IMPG1: variants seen among roughly 807,000 people sequenced by gnomAD.
The protein encoded by IMPG1 is interphotoreceptor matrix proteoglycan 1, also known as interphotoreceptor matrix proteoglycan of 150 kDa.
In IMPG1, 85 loss-of-function variants were observed where a neutral mutation model predicts 92.0. That is an observed-to-expected ratio of 0.92 (90% CI 0.78 to 1.11). The LOEUF is 1.11. Among genes scored for constraint, IMPG1 ranks in the 50% least tolerant of loss-of-function variants. IMPG1 has a pLI of 0.00. For synonymous variants in IMPG1, 367 were observed against 334.1 expected, an observed-to-expected ratio of 1.10 and a Z score of -1.08; for missense variants, 1,022 against 956.0, an observed-to-expected ratio of 1.07 and a Z score of -0.91.
In IMPG1 at chr6:76,007,498, G is replaced by C. The variant is rs1162964586; in HGVS notation, c.869C>G (p.Pro290Arg). 5 of 1,595,338 alleles carry C rather than the reference G, an allele frequency of 3.1e-6. No homozygotes were observed. Among genetic ancestry groups the C allele is most frequent in the Non-Finnish European group, 1.7e-6 (2 of 1,168,660 alleles). Residue 290 changes from proline (P) to arginine (R), a missense_variant and splice_region_variant, in exon 9 of 17, where the codon CCA (proline) becomes CGA (arginine). By Grantham distance (103) the Pro-to-Arg change is moderately radical (BLOSUM62 -2). This residue lies in a region of IMPG1 where 681 missense variants were observed against 583.6 expected (regional missense o/e 1.17). Transcript: ENST00000369950. ...AAATTACCCATCTTTTTCTTTCTTT[G>C]GTCTTCATTTCATCATGCACAATGG... ...FKKIHVLGFR[P>R]KKEKDGSSST...
At chr6:75,942,502 C>G (rs1243691408) in intron 14 of IMPG1, among the ~76,000 whole-genome samples, 1 of 152,140 alleles carries the variant, frequency 6.6e-6, no homozygotes, top group Non-Finnish European at 1.5e-5. Flanking sequence ...AAGTCCACAC[C>G]AGCAATAGAG....
Position 75,965,761 on chromosome 6 carries a change from T to C in IMPG1, c.1292-14667A>G, listed in dbSNP as rs186149244. Among the ~76,000 whole-genome samples the C allele has an allele frequency of 7.9e-3, 1,208 of 152,072 alleles. 15 individuals are homozygous for C. Among genetic ancestry groups the C allele is most frequent in the African/African-American group, 0.028 (1,143 of 41,486 alleles). Reference sequence around the variant, plus strand: ...TAGCCGGGACTACAGGCGCCTGCCATCACGCCCAGCTAATTTTTTGTATTT... The same window carrying C: ...TAGCCGGGACTACAGGCGCCTGCCACCACGCCCAGCTAATTTTTTGTATTT... On this transcript the variant is annotated intron_variant, in intron 12 of 16. Transcript: ENST00000369950.
At chr6:75,980,553 G>A (rs1782609981) in intron 12 of IMPG1, among the ~76,000 whole-genome samples, 1 of 152,228 alleles carries the variant, frequency 6.6e-6, no homozygotes. Context: ...AAAGCAGGCA[G>A]AAGAAGGTGG....
intron 4 of IMPG1, among the ~76,000 whole-genome samples, chr6:76,028,513 T>G (rs936761225): frequency 1.1e-4 from 16 of 152,238 alleles, no homozygotes; most frequent in Non-Finnish European, 2.2e-4. Flanking sequence ...TCAAGGAAAC[T>G]TATTTTGAAC....
At chr6:75,993,260 T>A (rs911017143) in intron 12 of IMPG1, among the ~76,000 whole-genome samples, 6 of 152,162 alleles carry the variant, frequency 3.9e-5, no homozygotes, top group African/African-American at 1.4e-4. Flanking sequence ...GGGGCATTGG[T>A]ATTTAAATTG....
chr6:76,064,322 G>A (rs1027669288), intron 1 of IMPG1, among the ~76,000 whole-genome samples: 1 of 151,290 alleles, frequency 6.6e-6, no homozygotes, highest in Non-Finnish European at 1.5e-5. Context: ...AGGAGGTTCT[G>A]CACCACAGAC....
intron 12 of IMPG1, among the ~76,000 whole-genome samples, chr6:75,986,895 A>C (rs1782726959): frequency 6.6e-6 from 1 of 152,224 alleles, no homozygotes; most frequent in African/African-American, 2.4e-5. Context: ...AAACAGGAGA[A>C]TTTTGTACCT....
At chr6:75,955,729 T>A (rs2149459475) in intron 12 of IMPG1, among the ~76,000 whole-genome samples, 1 of 152,346 alleles carries the variant, frequency 6.6e-6, no homozygotes, top group East Asian at 1.9e-4. Flanking sequence ...TGATATTGGC[T>A]GTGGGTTTGT....
At chr6:76,048,946 C>A (rs1050392824) in intron 1 of IMPG1, among the ~76,000 whole-genome samples, 5 of 152,274 alleles carry the variant, frequency 3.3e-5, no homozygotes, top group Admixed American at 6.5e-5. Context: ...ATGGAATCAA[C>A]CTAAATGCCC....
At chr6:76,039,977 T>A (rs556238177) in intron 2 of IMPG1, among the ~76,000 whole-genome samples, 1 of 152,302 alleles carries the variant, frequency 6.6e-6, no homozygotes, top group East Asian at 1.9e-4. Flanking sequence ...AAGATGTCAA[T>A]GGATAATTTT....
At chr6:76,001,898 G>T (rs1782996133) in intron 12 of IMPG1, among the ~76,000 whole-genome samples, 1 of 152,162 alleles carries the variant, frequency 6.6e-6, no homozygotes, top group African/African-American at 2.4e-5. Context: ...AATCCAATTT[G>T]TATAATTAAT....
intron 1 of IMPG1, among the ~76,000 whole-genome samples, chr6:76,055,084 ATG>A (rs1784098913): frequency 2.0e-5 from 3 of 152,056 alleles, no homozygotes; most frequent in African/African-American, 7.2e-5. Flanking sequence ...ATGGACATGT[ATG>A]AGGCATCATA....
At chr6:76,023,039 G>A (rs1000966482) in intron 5 of IMPG1, among the ~76,000 whole-genome samples, 5 of 152,264 alleles carry the variant, frequency 3.3e-5, no homozygotes, top group South Asian at 4.2e-4. Context: ...CTGGGAATCT[G>A]CGGTCACAAG....
intron 1 of IMPG1, among the ~76,000 whole-genome samples, chr6:76,042,871 T>C (rs1176425809): frequency 6.6e-6 from 1 of 152,190 alleles, no homozygotes; most frequent in Non-Finnish European, 1.5e-5. Flanking sequence ...GGACCTCTCA[T>C]AATAACTTAG....
chr6:76,016,025 A>C lies in IMPG1; in HGVS notation c.807+2693T>G, dbSNP rs111255983. 1.5e-3 allele frequency among the ~76,000 whole-genome samples: 225 copies of C among 152,220 alleles called. 1 individual carries two copies. The highest frequency in any genetic ancestry group is 5.2e-3 in the African/African-American group (216 of 41,512). ...ACATATTAATCTCCTTTCCTCAGTT[A>C]CCTCTTACAAAAAGAGGAAATAATA... On this transcript the variant is annotated intron_variant, in intron 7 of 16. Transcript: ENST00000369950.
chr6:75,936,086 C>T (rs9352247), intron 14 of IMPG1, among the ~76,000 whole-genome samples: 39,262 of 152,220 alleles, frequency 0.26, 5,614 homozygotes, highest in Non-Finnish European at 0.34. Context: ...ATCTGTTCTA[C>T]CAGTGAAGAA....
chr6:75,926,471 C>A (rs901627999), intron 15 of IMPG1, among the ~76,000 whole-genome samples: 1 of 152,140 alleles, frequency 6.6e-6, no homozygotes, highest in Non-Finnish European at 1.5e-5. Context: ...TTACAACAAG[C>A]ACTTTGATAT....
intron 14 of IMPG1, among the ~76,000 whole-genome samples, chr6:75,943,775 C>T (rs183333187): frequency 2.6e-5 from 4 of 152,210 alleles, no homozygotes; most frequent in Non-Finnish European, 5.9e-5. Flanking sequence ...CTCCTACATT[C>T]TCTCTTCTGT....
At chr6:76,039,228 T>G (rs1783793423) in intron 2 of IMPG1, among the ~76,000 whole-genome samples, 1 of 152,220 alleles carries the variant, frequency 6.6e-6, no homozygotes, top group Non-Finnish European at 1.5e-5. Context: ...TGATTCTGCA[T>G]TTCTAACAAG....
Sources: gnomAD v4.1 joint callset for allele counts (sites outside exome capture counted in the v4.1 genomes callset) on GRCh38, gnomAD v4.1.1 for gene constraint, gnomAD v4.1.1 regional missense constraint, MANE v1.5 for transcripts, NCBI Gene and HGNC (gene_info 2026-07-23, HGNC 2026-07-21) for gene names.